The following DPYD variants were observed in gnomAD, a reference collection of about 807,000 sequenced individuals.
DPYD encodes the protein dihydropyrimidine dehydrogenase.
A neutral mutation model predicts 116.2 loss-of-function variants in DPYD; 109 were observed. The observed-to-expected ratio is 0.94, with a 90% CI of 0.80 to 1.10. The LOEUF (loss-of-function observed/expected upper bound fraction) is 1.10. Among genes scored for constraint, DPYD ranks in the 50% least tolerant of loss-of-function variants. DPYD has a pLI of 0.00. For synonymous variants in DPYD, 440 were observed against 432.0 expected (o/e 1.02, Z -0.23); for missense variants, 1,302 against 1,254.5 (o/e 1.04, Z -0.57).
intron 16 of DPYD, among the ~76,000 whole-genome samples, chr1:97,323,230 A>T (rs1015857202): frequency 6.7e-6 from 1 of 148,986 alleles, no homozygotes; most frequent in African/African-American, 2.4e-5. Flanking sequence ...ATACATATGT[A>T]TATATGTATA....
At chr1:97,349,750 T>C (rs1246027684) in intron 16 of DPYD, among the ~76,000 whole-genome samples, 1 of 152,160 alleles carries the variant, frequency 6.6e-6, no homozygotes, top group Admixed American at 6.5e-5. Flanking sequence ...CTATCGTTGT[T>C]GGACATTTGG....
intron 2 of DPYD, among the ~76,000 whole-genome samples, chr1:97,852,867 T>C (rs1670640365): frequency 1.3e-5 from 2 of 152,190 alleles, no homozygotes; most frequent in Admixed American, 6.5e-5. Context: ...TTTAGTAAGC[T>C]GGCACACTGG....
chr1:97,647,791 T>C (rs896684261), intron 8 of DPYD, among the ~76,000 whole-genome samples: 12 of 152,016 alleles, frequency 7.9e-5, no homozygotes, highest in Non-Finnish European at 1.8e-4. Context: ...TTAAGATCAC[T>C]AAACTGTCAA....
intron 2 of DPYD, among the ~76,000 whole-genome samples, chr1:97,868,667 A>C (rs1374265328): frequency 1.3e-5 from 2 of 151,820 alleles, no homozygotes; most frequent in Non-Finnish European, 2.9e-5. Flanking sequence ...TAGCTAGTTA[A>C]GGTGAAGAAT....
At chr1:97,882,098 G>T (rs943844259) in intron 2 of DPYD, among the ~76,000 whole-genome samples, 1 of 151,708 alleles carries the variant, frequency 6.6e-6, no homozygotes, top group Non-Finnish European at 1.5e-5. Context: ...ATTAAACTGC[G>T]TCATGGCTTG....
chr1:97,735,684 TCATA>T (rs1239151670), intron 4 of DPYD, among the ~76,000 whole-genome samples: 1 of 117,682 alleles, frequency 8.5e-6, no homozygotes, highest in Non-Finnish European at 1.7e-5. Flanking sequence ...CAAGACTCTG[TCATA>T]AATAAATAAA....
intron 8 of DPYD, among the ~76,000 whole-genome samples, chr1:97,604,807 C>T (rs1163554470): frequency 6.6e-6 from 1 of 151,998 alleles, no homozygotes; most frequent in Non-Finnish European, 1.5e-5. Context: ...CCTTTTTGCA[C>T]CTCAGTTTCT....
chr1:97,651,949 T>C (rs1483787208), intron 8 of DPYD, among the ~76,000 whole-genome samples: 1 of 152,134 alleles, frequency 6.6e-6, no homozygotes, highest in African/African-American at 2.4e-5. Flanking sequence ...GCAATTTATC[T>C]ACCTACTATA....
chr1:97,272,291 C>A (rs561340135), intron 18 of DPYD, among the ~76,000 whole-genome samples: 1 of 152,256 alleles, frequency 6.6e-6, no homozygotes, highest in Non-Finnish European at 1.5e-5. Flanking sequence ...TATTCTGTTG[C>A]TTCTAGTCTG....
chr1:97,862,097 A>C (rs1233922334), intron 2 of DPYD, among the ~76,000 whole-genome samples: 1 of 151,978 alleles, frequency 6.6e-6, no homozygotes, highest in Non-Finnish European at 1.5e-5. Flanking sequence ...CATAGTTAAT[A>C]AGGTCTTAAA....
chr1:97,719,070 A>G (rs945421183), intron 5 of DPYD, among the ~76,000 whole-genome samples: 5 of 148,584 alleles, frequency 3.4e-5, no homozygotes, highest in African/African-American at 1.2e-4. Context: ...TGAACACACC[A>G]GTGTGTGAAG....
intron 21 of DPYD, among the ~76,000 whole-genome samples, chr1:97,091,174 C>T (rs1649873954): frequency 6.6e-6 from 1 of 152,076 alleles, no homozygotes; most frequent in African/African-American, 2.4e-5. Flanking sequence ...CTTTCTACAG[C>T]AGATGGGGAA....
chr1:97,531,487 G>T (rs1463628616), intron 12 of DPYD, among the ~76,000 whole-genome samples: 1 of 152,026 alleles, frequency 6.6e-6, no homozygotes, highest in Non-Finnish European at 1.5e-5. Context: ...TTGTTCCAAT[G>T]CTCTACATGT....
At chr1:97,784,328 C>A (rs568325778) in intron 3 of DPYD, among the ~76,000 whole-genome samples, 9 of 151,944 alleles carry the variant, frequency 5.9e-5, no homozygotes, top group Admixed American at 5.9e-4. Flanking sequence ...GCGCTTTATA[C>A]CAACAGTTGA....
Position 97,078,874 on chromosome 1 carries a change from T to C in DPYD, c.*102A>G, listed in dbSNP as rs1401580006. ...CATATTTTTATTTAGAAAATGTATA[T>C]TTGTTTTAATTTGGAAAGAGCTGAA... On this transcript the variant is annotated 3_prime_UTR_variant, in exon 23 of 23. Transcript: ENST00000370192. 1 of 1,339,836 alleles carries C rather than the reference T, an allele frequency of 7.5e-7. No homozygotes were observed. The highest frequency in any genetic ancestry group is 1.1e-6 in the Non-Finnish European group (1 of 936,052). 83.0% of individuals were successfully genotyped at this position (1,339,836 alleles called of 1,614,324 possible).
chr1:97,382,681 A>G (rs969276154), intron 14 of DPYD, among the ~76,000 whole-genome samples: 1 of 152,150 alleles, frequency 6.6e-6, no homozygotes, highest in African/African-American at 2.4e-5. Context: ...CTCATTTACT[A>G]TCTGTGAACA....
intron 14 of DPYD, among the ~76,000 whole-genome samples, chr1:97,412,243 C>T (rs979838179): frequency 2.6e-5 from 4 of 152,160 alleles, no homozygotes; most frequent in African/African-American, 7.2e-5. Context: ...TAAAACTTGA[C>T]GCATTTTGAA....
intron 12 of DPYD, among the ~76,000 whole-genome samples, chr1:97,526,466 A>G (rs1649106507): frequency 6.6e-6 from 1 of 152,168 alleles, no homozygotes; most frequent in Non-Finnish European, 1.5e-5. Context: ...CTTCCTACTA[A>G]TTATATCAGA....
At chr1:97,196,139 A>T (rs913084705) in intron 19 of DPYD, among the ~76,000 whole-genome samples, 1 of 152,004 alleles carries the variant, frequency 6.6e-6, no homozygotes, top group African/African-American at 2.4e-5. Flanking sequence ...TTGCTCTGTC[A>T]CCCAGGCTGG....
Sources: gnomAD v4.1 joint callset for allele counts (sites outside exome capture counted in the v4.1 genomes callset) on GRCh38, gnomAD v4.1.1 for gene constraint, MANE v1.5 for transcripts, NCBI Gene and HGNC (gene_info 2026-07-23, HGNC 2026-07-21) for gene names.